Variants in GBE1 observed in about 807,000 individuals in gnomAD.
GBE1 encodes 1,4-alpha-glucan branching enzyme 1.
A neutral mutation model predicts 88.8 loss-of-function variants in GBE1; 70 were observed. The observed-to-expected ratio is 0.79, with a 90% CI of 0.65 to 0.96. The LOEUF (loss-of-function observed/expected upper bound fraction) is 0.96, where lower values mean the gene tolerates loss of function less well. GBE1 is among the 40% of genes least tolerant of loss of function. The probability of loss-of-function intolerance (pLI) is 0.00; values close to 1 mark genes in which losing one functional copy is unlikely to be tolerated. For synonymous variants in GBE1, 284 were observed against 300.1 expected (o/e 0.95, Z 0.56); for missense variants, 872 against 871.0 (o/e 1.00, Z -0.01).
At chr3:81,634,362 G>A (rs1299556478) in intron 7 of GBE1, among the ~76,000 whole-genome samples, 2 of 152,156 alleles carry the variant, frequency 1.3e-5, no homozygotes, top group Non-Finnish European at 2.9e-5. Context: ...AGAGCAGAGA[G>A]GTAAAGATCA....
intron 1 of GBE1, among the ~76,000 whole-genome samples, chr3:81,714,010 G>A (rs998670876): frequency 3.3e-5 from 5 of 152,164 alleles, no homozygotes; most frequent in Admixed American, 2.0e-4. Flanking sequence ...CCGTAGAAGA[G>A]AAAGCAAGGA....
intron 2 of GBE1, among the ~76,000 whole-genome samples, chr3:81,694,926 C>T (rs1236320887): frequency 6.6e-6 from 1 of 152,114 alleles, no homozygotes; most frequent in Non-Finnish European, 1.5e-5. Flanking sequence ...TGCTAAATGA[C>T]ACTCCCATCA....
chr3:81,664,031 T>C (rs914789717), intron 3 of GBE1, among the ~76,000 whole-genome samples: 11 of 152,150 alleles, frequency 7.2e-5, no homozygotes, highest in Non-Finnish European at 1.6e-4. Context: ...AAAAATATTT[T>C]CTCCGTGCAT....
chr3:81,623,707 G>A (rs1417503368), intron 7 of GBE1, among the ~76,000 whole-genome samples: 2 of 152,154 alleles, frequency 1.3e-5, no homozygotes, highest in Admixed American at 1.3e-4. Flanking sequence ...ACAGTGGCAT[G>A]ACCATGGCTC....
chr3:81,686,499 G>A (rs1413556940), intron 2 of GBE1, among the ~76,000 whole-genome samples: 1 of 152,206 alleles, frequency 6.6e-6, no homozygotes, highest in Non-Finnish European at 1.5e-5. Context: ...ACTCACGCCT[G>A]TAATCCCAGC....
At position 81,676,683 on chromosome 3, in the gene GBE1, C is replaced by T. The variant is rs1241829841; in HGVS notation, c.314-5730G>A. ...TTACTTAAGTGCTGGGATACATGTG[C>T]AGAACGTGCAGGTTTGTTACATAGG... On this transcript the variant is annotated intron_variant, in intron 2 of 15. Coordinates refer to ENST00000429644, the MANE Select transcript of GBE1 (RefSeq NM_000158.4). Among the ~76,000 whole-genome samples the T allele has an allele frequency of 3.3e-5, 5 of 151,804 alleles. No individual in the cohort carries two copies. In the South Asian group the frequency reaches 6.2e-4, roughly 19 times the overall value.
At chr3:81,538,557 T>A (rs1189862664) in intron 12 of GBE1, among the ~76,000 whole-genome samples, 1 of 152,038 alleles carries the variant, frequency 6.6e-6, no homozygotes, top group Non-Finnish European at 1.5e-5. Flanking sequence ...ACACAAGGAA[T>A]GTCCCTCTGC....
chr3:81,594,528 C>T (rs894246561), intron 7 of GBE1, among the ~76,000 whole-genome samples: 15 of 151,878 alleles, frequency 9.9e-5, no homozygotes, highest in African/African-American at 3.6e-4. Flanking sequence ...TAAAATATTT[C>T]CTCATGCTAC....
At chr3:81,630,466 A>C (rs557867797) in intron 7 of GBE1, among the ~76,000 whole-genome samples, 1 of 152,284 alleles carries the variant, frequency 6.6e-6, no homozygotes, top group East Asian at 1.9e-4. Context: ...TCCTAAGCCA[A>C]AAGAACAAAG....
At chr3:81,555,105 G>T (rs1703329310) in intron 12 of GBE1, among the ~76,000 whole-genome samples, 1 of 152,160 alleles carries the variant, frequency 6.6e-6, no homozygotes, top group Non-Finnish European at 1.5e-5. Flanking sequence ...AAGAAGAAAA[G>T]GTTCTCAGTG....
chr3:81,683,770 T>C (rs1371547833), intron 2 of GBE1, among the ~76,000 whole-genome samples: 1 of 152,202 alleles, frequency 6.6e-6, no homozygotes, highest in Non-Finnish European at 1.5e-5. Flanking sequence ...CCCTATGTTA[T>C]TATTTAAGAA....
intron 7 of GBE1, among the ~76,000 whole-genome samples, chr3:81,615,469 A>T (rs974766124): frequency 2.6e-5 from 4 of 152,184 alleles, no homozygotes; most frequent in Non-Finnish European, 5.9e-5. Flanking sequence ...CCTGGAAAAC[A>T]CTAATTTCTT....
intron 1 of GBE1, among the ~76,000 whole-genome samples, chr3:81,752,949 C>G (rs562173320): frequency 1.3e-5 from 2 of 152,228 alleles, no homozygotes; most frequent in African/African-American, 4.8e-5. Context: ...ATATTATCAT[C>G]AAACTATTAT....
chr3:81,606,408 C>T (rs903748165), intron 7 of GBE1, among the ~76,000 whole-genome samples: 2 of 152,216 alleles, frequency 1.3e-5, no homozygotes, highest in Non-Finnish European at 2.9e-5. Flanking sequence ...TATGGCCAGA[C>T]TGAGAATAAT....
chr3:81,612,253 G>T, intron 7 of GBE1: 5 of 352,712 alleles, frequency 1.4e-5, no homozygotes, highest in African/African-American at 2.6e-5. Flanking sequence ...ACTTAAAGAA[G>T]CTCTCTGGTT....
At chr3:81,554,321 C>T (rs1266263244) in intron 12 of GBE1, among the ~76,000 whole-genome samples, 2 of 152,084 alleles carry the variant, frequency 1.3e-5, no homozygotes, top group Non-Finnish European at 2.9e-5. Flanking sequence ...GAATAAGGCA[C>T]CAACTGAAAG....
At chr3:81,646,720 T>C (rs1348879332) in intron 5 of GBE1, among the ~76,000 whole-genome samples, 1 of 152,158 alleles carries the variant, frequency 6.6e-6, no homozygotes, top group Non-Finnish European at 1.5e-5. Context: ...TAACAAGCAA[T>C]AAATAATATG....
chr3:81,677,974 T>C (rs1477509330), intron 2 of GBE1, among the ~76,000 whole-genome samples: 1 of 152,206 alleles, frequency 6.6e-6, no homozygotes, highest in Admixed American at 6.6e-5. Context: ...CTCAATCATG[T>C]ATATCTAGCT....
At chr3:81,578,282 T>C (rs1703675983) in intron 11 of GBE1, among the ~76,000 whole-genome samples, 186 bp from the exon 12 acceptor site, 1 of 152,148 alleles carries the variant, frequency 6.6e-6, no homozygotes, top group Non-Finnish European at 1.5e-5. Flanking sequence ...TAAAATATGT[T>C]AGACTTCAAC....
Sources: allele counts gnomAD v4.1 joint callset (sites outside exome capture counted in the v4.1 genomes callset), GRCh38; gene constraint gnomAD v4.1.1; transcripts MANE v1.5; gene names NCBI Gene and HGNC (gene_info 2026-07-23, HGNC 2026-07-21).